Variants in KIF13A observed in about 807,000 individuals in gnomAD.
The protein encoded by KIF13A is kinesin family member 13A, also known as kinesin-like protein KIF13A.
In KIF13A, 79 loss-of-function variants were observed where a neutral mutation model predicts 212.2. The ratio of observed to expected loss-of-function variants is 0.37; its 90% CI spans 0.31 to 0.45. The LOEUF (loss-of-function observed/expected upper bound fraction) is 0.45, where lower values mean the gene tolerates loss of function less well. Among genes scored for constraint, KIF13A ranks in the 20% least tolerant of loss-of-function variants. The probability of loss-of-function intolerance (pLI) is 1.00; values close to 1 mark genes in which losing one functional copy is unlikely to be tolerated. For synonymous variants in KIF13A, 789 were observed against 808.6 expected, an observed-to-expected ratio of 0.98 and a Z score of 0.41; for missense variants, 1,901 against 2,209.0, an observed-to-expected ratio of 0.86 and a Z score of 2.79.
chr6:17,780,896 G>A lies in KIF13A; in HGVS notation c.3680C>T (p.Thr1227Ile), dbSNP rs559223242. The A allele has an allele frequency of 1.1e-5, 17 of 1,613,306 alleles. No homozygotes were observed. The South Asian group carries it at 1.2e-4, about 11-fold the overall frequency. The change falls in exon 31 of 39, where the codon ACA becomes ATA. Residue 1227 changes from threonine to isoleucine, a missense_variant. By Grantham distance (89) the Thr-to-Ile change is moderately conservative (BLOSUM62 -1). Transcript: ENST00000259711. Reference protein sequence around the residue: ...IKHSDDEVSATASWDSSVHDS... With the variant: ...IKHSDDEVSAIASWDSSVHDS... ...ATGCACCGAGGAATCCCAAGAGGCT[G>A]TGGCTGAAACCTAGGAGTTGGGGAA...
rs2150324246 is a variant in KIF13A at position 17,794,625 on chromosome 6, C to G, written c.3022G>C (p.Glu1008Gln). 1 of 1,613,574 alleles carries G rather than the reference C, an allele frequency of 6.2e-7. No individual in the cohort carries two copies. Among genetic ancestry groups the G allele is most frequent in the South Asian group, 1.1e-5 (1 of 91,000 alleles). The stretch of plus-strand genomic sequence containing the variant: ...TTGACATCTTTTGCCTGATGAAGTT[C>G]CACTGCAGCATACTCTCCTAACTCA... ...LNELGEYAAVELHQAKDVNTG... is the reference protein window; with the variant it reads ...LNELGEYAAVQLHQAKDVNTG... The change falls in exon 24 of 39, where the codon GAA becomes CAA. Residue 1008 changes from glutamate (E) to glutamine (Q), a missense_variant. Glu to Gln is a conservative substitution (Grantham distance 29). This residue lies in a region of KIF13A where 168 missense variants were observed against 250.9 expected (regional missense o/e 0.67). Transcript: ENST00000259711. The surrounding 1 kb of genome is among the most constrained non-coding windows in gnomAD (Gnocchi z 4.1).
At position 17,987,318 on chromosome 6, in the gene KIF13A, G is replaced by A; in HGVS notation, c.55+91C>T. On this transcript the variant is annotated intron_variant, in intron 1 of 38. Coordinates refer to ENST00000259711, the MANE Select transcript of KIF13A (RefSeq NM_022113.6). This position sits in a 1 kb window ranked among gnomAD's most constrained non-coding sequence, Gnocchi z 7.7. Reference sequence around the variant, plus strand: ...CCTCCGCCCCGGCCCCCCGGCCCCGGCCGCGCTCTCGCCGTCCCGGCCCCG... The same window carrying A: ...CCTCCGCCCCGGCCCCCCGGCCCCGACCGCGCTCTCGCCGTCCCGGCCCCG... The A allele has an allele frequency of 1.9e-6, 2 of 1,031,138 alleles. No homozygotes were observed. The highest frequency in any genetic ancestry group is 3.5e-4 in the Middle Eastern group (1 of 2,872). The allele number at this position is 1,031,138 out of a possible 1,614,324, so 63.9% of individuals were successfully genotyped here.
At chr6:17,969,304 T>C (rs1779597496) in intron 2 of KIF13A, among the ~76,000 whole-genome samples, 2 of 152,236 alleles carry the variant, frequency 1.3e-5, no homozygotes, top group Non-Finnish European at 2.9e-5. Context: ...CTACCTCCAA[T>C]CGTGATATCT....
intron 2 of KIF13A, among the ~76,000 whole-genome samples, chr6:17,970,531 T>C (rs369786419): frequency 2.6e-5 from 4 of 152,332 alleles, no homozygotes; most frequent in East Asian, 3.9e-4. Context: ...ATCGCTTACA[T>C]GCTTCCAGCA....
At chr6:17,935,088 T>TA in intron 2 of KIF13A, among the ~76,000 whole-genome samples, 1 of 152,198 alleles carries the variant, frequency 6.6e-6, no homozygotes, top group East Asian at 1.9e-4. Flanking sequence ...CTAGTTGTGT[T>TA]ATTTTCACCA....
At position 17,778,583 on chromosome 6, in the gene KIF13A, C is replaced by T. The variant is rs367976484; in HGVS notation, c.4092+364G>A. Among the ~76,000 whole-genome samples the T allele has an allele frequency of 2.0e-5, 3 of 152,250 alleles. No homozygotes were observed. In the South Asian group the frequency reaches 6.2e-4, roughly 32 times the overall value. On this transcript the variant is annotated intron_variant, in intron 33 of 38. Transcript: ENST00000259711. The stretch of plus-strand genomic sequence containing the variant: ...GAGTCAAGCTACTTGGCTTTACATC[C>T]GACTTTGTACCACTTCCTAGCTGTG...
chr6:17,958,164 A>G (rs562111246), intron 2 of KIF13A, among the ~76,000 whole-genome samples: 1 of 152,310 alleles, frequency 6.6e-6, no homozygotes, highest in South Asian at 2.1e-4. Context: ...CCTCAGGCAC[A>G]AGGAGGGTTT....
chr6:17,979,456 G>A (rs1221689733), intron 2 of KIF13A, among the ~76,000 whole-genome samples: 1 of 152,138 alleles, frequency 6.6e-6, no homozygotes, highest in African/African-American at 2.4e-5. Flanking sequence ...AAAGGGATTT[G>A]ACAAAAGCTT....
chr6:17,919,196 T>C lies in KIF13A; in HGVS notation c.147-21016A>G, dbSNP rs566404042. On this transcript the variant is annotated intron_variant, in intron 2 of 38. Transcript: ENST00000259711. This position sits in a 1 kb window ranked among gnomAD's most constrained non-coding sequence, Gnocchi z 4.1. ...TTTACAAATGCTTTAATAGTGAAAA[T>C]TGCAAACACATACGAATGGAATGTG... Among the ~76,000 whole-genome samples the C allele has an allele frequency of 1.3e-5, 2 of 152,228 alleles. No homozygotes were observed. The highest frequency in any genetic ancestry group is 2.4e-5 in the African/African-American group (1 of 41,534).
At chr6:17,866,429 G>C (rs1769376519) in intron 4 of KIF13A, among the ~76,000 whole-genome samples, 1 of 152,078 alleles carries the variant, frequency 6.6e-6, no homozygotes, top group Non-Finnish European at 1.5e-5. Context: ...CCATAGGCTG[G>C]AGTAGAATCC....
intron 31 of KIF13A, among the ~76,000 whole-genome samples, chr6:17,780,439 A>C (rs966892049): frequency 6.6e-6 from 1 of 152,182 alleles, no homozygotes; most frequent in African/African-American, 2.4e-5. Context: ...CCTGGCACTT[A>C]ATCTCTCAGC....
At position 17,934,279 on chromosome 6, in the gene KIF13A, G is replaced by A. The variant is rs138922595; in HGVS notation, c.147-36099C>T. ...TGTGTGAGGTCAGAGCAGAGGGCCC[G>A]GCTTGTAGCGTGCACTTGCAGGTAG... On this transcript the variant is annotated intron_variant, in intron 2 of 38. Coordinates refer to ENST00000259711, the MANE Select transcript of KIF13A (RefSeq NM_022113.6). This position sits in a 1 kb window ranked among gnomAD's most constrained non-coding sequence, Gnocchi z 5.4. Among the ~76,000 whole-genome samples the A allele has an allele frequency of 2.1e-3, 316 of 152,156 alleles. 1 individual carries two copies. The highest frequency in any genetic ancestry group is 7.4e-3 in the African/African-American group (307 of 41,508).
In KIF13A at chr6:17,779,689, T is replaced by C. The variant is rs757670600; in HGVS notation, c.3847-5A>G. 5.8e-6 allele frequency: 7 copies of C among 1,213,230 alleles called. No homozygotes were observed. The East Asian group carries it at 7.4e-5, about 13-fold the overall frequency. The allele number at this position is 1,213,230 out of a possible 1,614,324, so 75.2% of individuals were successfully genotyped here. On this transcript the variant is annotated splice_region_variant and splice_polypyrimidine_tract_variant and intron_variant, in intron 31 of 38. Coordinates refer to ENST00000259711, the MANE Select transcript of KIF13A (RefSeq NM_022113.6). ...CTTCAAACTCTGCGTGAAACTCTAG[T>C]AGAAAAAAAAAAAAGCTGTATTAAG...
intron 33 of KIF13A, 135 bp downstream of exon 33, chr6:17,778,812 G>C (rs1486867772): frequency 1.0e-6 from 1 of 978,884 alleles, no homozygotes; most frequent in African/African-American, 1.6e-5. Flanking sequence ...TTTTGCCAGA[G>C]TCCTTTCAAT....
chr6:17,942,064 G>A (rs1777000923), intron 2 of KIF13A, among the ~76,000 whole-genome samples: 1 of 151,916 alleles, frequency 6.6e-6, no homozygotes, highest in Non-Finnish European at 1.5e-5. Context: ...CATTTTGGGA[G>A]GCTGAGGTGG....
chr6:17,866,323 T>C (rs1191752712), intron 4 of KIF13A, among the ~76,000 whole-genome samples: 3 of 152,126 alleles, frequency 2.0e-5, no homozygotes, highest in Non-Finnish European at 4.4e-5. Context: ...GTAACTTTAG[T>C]AGTATTCCTG....
In KIF13A at chr6:17,779,740, GTATT is replaced by G. The variant is rs1760364390; in HGVS notation, c.3847-60_3847-57del. The G allele has an allele frequency of 4.2e-4, 202 of 478,612 alleles. 4 individuals carry two copies. The highest frequency in any genetic ancestry group is 7.2e-4 in the East Asian group (10 of 13,952). The allele number at this position is 478,612 out of a possible 1,614,324, so 29.6% of individuals were successfully genotyped here. ...CTATGTGACAAATGTAAGTTATTTT[GTATT>G]TTTTTTTTTTTTTTTGAGATGGAGT... On this transcript the variant is annotated intron_variant, in intron 31 of 38. Coordinates refer to ENST00000259711, the MANE Select transcript of KIF13A (RefSeq NM_022113.6).
chr6:17,780,640 A>T, intron 31 of KIF13A, 90 bp downstream of exon 31: 2 of 1,264,976 alleles, frequency 1.6e-6, no homozygotes, highest in Non-Finnish European at 2.2e-6. Context: ...TTTGCACATC[A>T]CAGCACCAAA....
In KIF13A at chr6:17,787,584, G is replaced by A. The variant is rs956223003; in HGVS notation, c.3361+192C>T. Among the ~76,000 whole-genome samples, 1 of 152,168 alleles carries A rather than the reference G, an allele frequency of 6.6e-6. No homozygotes were observed. Among genetic ancestry groups the A allele is most frequent in the Non-Finnish European group, 1.5e-5 (1 of 68,030 alleles). ...GAGGATCTCTTGAGGCCAGGAGTTA[G>A]AGGCTGCAGTGAGATATGATCCTGC... On this transcript the variant is annotated intron_variant, in intron 27 of 38. Coordinates refer to ENST00000259711, the MANE Select transcript of KIF13A (RefSeq NM_022113.6). This position sits in a 1 kb window ranked among gnomAD's most constrained non-coding sequence, Gnocchi z 4.6.
Sources: gnomAD v4.1 joint callset for allele counts (sites outside exome capture counted in the v4.1 genomes callset) on GRCh38, gnomAD v4.1.1 for gene constraint, gnomAD v4.1.1 regional missense constraint, Gnocchi (gnomAD v3.1) non-coding constraint, MANE v1.5 for transcripts, NCBI Gene and HGNC (gene_info 2026-07-23, HGNC 2026-07-21) for gene names.